The following RBFOX1 variants were observed in gnomAD, a reference collection of about 807,000 sequenced individuals.
RBFOX1 encodes the protein RNA binding fox-1 homolog 1, also known as RNA binding protein fox-1 homolog 1.
A neutral mutation model predicts 57.7 loss-of-function variants in RBFOX1; 8 were observed. That is an observed-to-expected ratio of 0.14 (90% CI 0.08 to 0.25). The LOEUF (loss-of-function observed/expected upper bound fraction) is 0.25. RBFOX1 is among the 10% of genes least tolerant of loss of function. RBFOX1 has a pLI of 1.00. For synonymous variants in RBFOX1, 326 were observed against 222.4 expected (o/e 1.47, Z -4.15); for missense variants, 611 against 548.5 (o/e 1.11, Z -1.14).
At chr16:7,278,714 A>T (rs531759526) in intron 4 of RBFOX1, among the ~76,000 whole-genome samples, 4 of 152,200 alleles carry the variant, frequency 2.6e-5, no homozygotes, top group Non-Finnish European at 5.9e-5. Context: ...ACATATTACA[A>T]ATTGCCAACT....
intron 4 of RBFOX1, among the ~76,000 whole-genome samples, chr16:7,175,859 A>C (rs768829362): frequency 6.6e-6 from 1 of 152,146 alleles, no homozygotes; most frequent in Non-Finnish European, 1.5e-5. Context: ...AGAGGAGTTG[A>C]AAGGACTCCA....
At chr16:5,779,571 G>C (rs868040747) in intron 3 of RBFOX1, among the ~76,000 whole-genome samples, 11 of 152,134 alleles carry the variant, frequency 7.2e-5, no homozygotes, top group South Asian at 2.1e-4. Context: ...ACCTTTGTGG[G>C]TGCTTATTTG....
At chr16:6,909,639 C>G (rs1428583751) in intron 3 of RBFOX1, among the ~76,000 whole-genome samples, 1 of 152,214 alleles carries the variant, frequency 6.6e-6, no homozygotes, top group African/African-American at 2.4e-5. Context: ...CAAAATCAGA[C>G]AAAGAAATTA....
At chr16:5,761,928 C>A (rs925580626) in intron 3 of RBFOX1, among the ~76,000 whole-genome samples, 1 of 152,148 alleles carries the variant, frequency 6.6e-6, no homozygotes, top group African/African-American at 2.4e-5. Context: ...GTTTCAACCC[C>A]TCCCAGGAGG....
At chr16:5,796,080 G>T (rs2054868798) in intron 3 of RBFOX1, among the ~76,000 whole-genome samples, 1 of 152,182 alleles carries the variant, frequency 6.6e-6, no homozygotes, top group South Asian at 2.1e-4. Context: ...TGGGGGAAGG[G>T]AGGACTTCTG....
intron 3 of RBFOX1, among the ~76,000 whole-genome samples, chr16:5,650,203 A>C (rs1363715363): frequency 3.3e-5 from 5 of 152,210 alleles, no homozygotes; most frequent in African/African-American, 1.2e-4. Context: ...TCTCAATCTT[A>C]CCTGAGCAAA....
chr16:6,409,321 G>C (rs962780488), intron 2 of RBFOX1, among the ~76,000 whole-genome samples: 1 of 152,168 alleles, frequency 6.6e-6, no homozygotes, highest in Non-Finnish European at 1.5e-5. Context: ...GGCTGAGGCA[G>C]GAGAATCGCT....
At chr16:7,575,630 G>A (rs1284445748) in intron 5 of RBFOX1, among the ~76,000 whole-genome samples, 2 of 152,088 alleles carry the variant, frequency 1.3e-5, no homozygotes, top group African/African-American at 4.8e-5. Context: ...GGCCCTCCTG[G>A]CACCTTGATT....
chr16:7,641,015 T>C (rs1453897714), intron 11 of RBFOX1, among the ~76,000 whole-genome samples: 1 of 152,072 alleles, frequency 6.6e-6, no homozygotes, highest in Admixed American at 6.5e-5. Context: ...GACAGTTTGA[T>C]GCAATGGAGC....
At chr16:5,357,822 A>G (rs1404191499) in intron 1 of RBFOX1, among the ~76,000 whole-genome samples, 1 of 152,150 alleles carries the variant, frequency 6.6e-6, no homozygotes, top group African/African-American at 2.4e-5. Flanking sequence ...TTGCTTATTT[A>G]TCTGTGTGTA....
At position 7,304,595 on chromosome 16, in the gene RBFOX1, C is replaced by A. The variant is rs147135253; in HGVS notation, c.28-213552C>A. The A allele has an allele frequency of 5.7e-4, 564 of 984,914 alleles. 2 individuals are homozygous for A. In the African/African-American group the frequency reaches 9.2e-3, roughly 16 times the overall value. The allele number at this position is 984,914 out of a possible 1,614,324, so 61.0% of individuals were successfully genotyped here. A position where few individuals can be genotyped will look rare whatever the true frequency, so the allele number is the denominator to read the frequency against. On this transcript the variant is annotated intron_variant, in intron 4 of 15. Coordinates refer to ENST00000550418, the MANE Select transcript of RBFOX1 (RefSeq NM_018723.4). ...CCTTATGTAGGTTCTGAGGAGGGGGCTCCCGCGTTGCGATGGAAAGGGTGG... is the reference window on the plus strand; with the variant it reads ...CCTTATGTAGGTTCTGAGGAGGGGGATCCCGCGTTGCGATGGAAAGGGTGG...
intron 7 of RBFOX1, among the ~76,000 whole-genome samples, chr16:7,591,648 G>T (rs1264890499): frequency 6.6e-6 from 1 of 152,104 alleles, no homozygotes; most frequent in Non-Finnish European, 1.5e-5. Flanking sequence ...AGCATTAAAG[G>T]TAAACTCTGG....
chr16:7,406,643 G>A (rs1212201760), intron 4 of RBFOX1, among the ~76,000 whole-genome samples: 5 of 152,172 alleles, frequency 3.3e-5, no homozygotes, highest in East Asian at 1.9e-4. Flanking sequence ...AAGTGACCAC[G>A]CACCCACATG....
chr16:5,543,768 C>T (rs892204725), intron 2 of RBFOX1, among the ~76,000 whole-genome samples: 4 of 152,116 alleles, frequency 2.6e-5, no homozygotes, highest in Admixed American at 1.3e-4. Flanking sequence ...GATATAAAAA[C>T]TTAAAAGCAT....
chr16:7,523,085 A>C (rs964385017), intron 5 of RBFOX1, among the ~76,000 whole-genome samples: 1 of 152,160 alleles, frequency 6.6e-6, no homozygotes, highest in Non-Finnish European at 1.5e-5. Flanking sequence ...AGTAACCTCA[A>C]ACATTATGTG....
intron 1 of RBFOX1, among the ~76,000 whole-genome samples, chr16:6,116,548 C>CA (rs34620289): frequency 1.3e-5 from 2 of 152,188 alleles, no homozygotes; most frequent in Non-Finnish European, 2.9e-5. Flanking sequence ...GCCACTTACC[C>CA]ACCTGCTTGG....
chr16:6,939,550 A>T (rs867866414), intron 3 of RBFOX1, among the ~76,000 whole-genome samples: 1 of 145,298 alleles, frequency 6.9e-6, no homozygotes, highest in Non-Finnish European at 1.5e-5. Context: ...TTGTTCTGTC[A>T]TGCAGGCTGG....
At chr16:5,355,955 G>A (rs904382787) in intron 1 of RBFOX1, among the ~76,000 whole-genome samples, 1 of 152,192 alleles carries the variant, frequency 6.6e-6, no homozygotes, top group Non-Finnish European at 1.5e-5. Flanking sequence ...GCTGGGCATG[G>A]TGGCCCGTGC....
chr16:6,337,020 C>T (rs1186697930), intron 2 of RBFOX1, among the ~76,000 whole-genome samples: 1 of 152,136 alleles, frequency 6.6e-6, no homozygotes, highest in East Asian at 1.9e-4. Context: ...CTCAAAATGG[C>T]ATTGAGGAAA....
Sources: gnomAD v4.1 joint callset for allele counts (sites outside exome capture counted in the v4.1 genomes callset) on GRCh38, gnomAD v4.1.1 for gene constraint, MANE v1.5 for transcripts, NCBI Gene and HGNC (gene_info 2026-07-23, HGNC 2026-07-21) for gene names.